PC: variants seen among roughly 807,000 people sequenced by gnomAD.
PC encodes the protein pyruvate carboxylase.
Under a neutral mutation model 107.8 loss-of-function variants are expected in PC, and 46 were observed. The ratio of observed to expected loss-of-function variants is 0.43; its 90% CI spans 0.34 to 0.55. The LOEUF is 0.55. Ranked by LOEUF, PC falls within the 20% of genes least tolerant of loss-of-function variation. The pLI is 0.04. For synonymous variants in PC, 662 were observed against 684.7 expected, an observed-to-expected ratio of 0.97 and a Z score of 0.52; for missense variants, 1,241 against 1,643.1, an observed-to-expected ratio of 0.76 and a Z score of 4.23.
In PC at chr11:66,852,429, G is replaced by A. The variant is rs758789142; in HGVS notation, c.1825+10C>T. On this transcript the variant is annotated intron_variant, in intron 15 of 22. Coordinates refer to ENST00000393960, the MANE Select transcript of PC (RefSeq NM_001040716.2). The surrounding 1 kb of genome is among the most constrained non-coding windows in gnomAD (Gnocchi z 4.7). ...ATTCCTACCAGGCGCTGCGCAGCAT[G>A]CCAGCCTACCTCCCCAGTTCTCCAT... 6.2e-7 allele frequency: 1 copy of A among 1,609,360 alleles called. No homozygotes were observed. The highest frequency in any genetic ancestry group is 1.1e-5 in the South Asian group (1 of 90,968).
chr11:66,863,460 T>C (rs550501580), intron 12 of PC, among the ~76,000 whole-genome samples: 1 of 152,276 alleles, frequency 6.6e-6, no homozygotes, highest in South Asian at 2.1e-4. Flanking sequence ...ACATTCCAGG[T>C]GATTCTCACC....
In PC at chr11:66,858,184, T is replaced by TTG; in HGVS notation, c.1369-4802_1369-4801insCA. ...GCCTTCGACGACTTCCTAGAGAGCC[T>TTG]GGAGGACCTGGACCTGTCCTACAAC... On this transcript the variant is annotated intron_variant, in intron 12 of 22. Transcript: ENST00000393960. This position sits in a 1 kb window ranked among gnomAD's most constrained non-coding sequence, Gnocchi z 5.9. The TTG allele has an allele frequency of 1.2e-6, 2 of 1,611,754 alleles. No homozygotes were observed. The highest frequency in any genetic ancestry group is 1.7e-6 in the Non-Finnish European group (2 of 1,179,396).
rs1945596432 is a variant in PC, at chr11:66,853,000, C to CA, written c.1514-165dup. On this transcript the variant is annotated intron_variant, in intron 13 of 22. Transcript: ENST00000393960. This position sits in a 1 kb window ranked among gnomAD's most constrained non-coding sequence, Gnocchi z 4.7. The stretch of plus-strand genomic sequence containing the variant: ...AAAGCCAGGGCCTCCTGGGTACAGG[C>CA]AGTGGGGACGTCTTGAGGACCACGT... 4 of 698,300 alleles carry CA rather than the reference C, an allele frequency of 5.7e-6. No individual in the cohort carries two copies. The South Asian group carries it at 7.6e-5, about 13-fold the overall frequency. 43.3% of individuals were successfully genotyped at this position (698,300 alleles called of 1,614,324 possible).
chr11:66,886,562 C>T (rs1290482346), intron 3 of PC, among the ~76,000 whole-genome samples: 2 of 152,076 alleles, frequency 1.3e-5, no homozygotes, highest in Admixed American at 6.5e-5. Context: ...ACAATGAGGA[C>T]CTGAACCACG....
chr11:66,858,688 T>TCGAC lies in PC; in HGVS notation c.1368+5085_1368+5086insGTCG, dbSNP rs1946037005. On this transcript the variant is annotated intron_variant, in intron 12 of 22. Coordinates refer to ENST00000393960, the MANE Select transcript of PC (RefSeq NM_001040716.2). The surrounding 1 kb of genome is among the most constrained non-coding windows in gnomAD (Gnocchi z 5.9). ...GACCCCGCGCCTACCATGCACTGGG[T>TCGAC]CGGTCCTGACGACCGGTTGGTTGGC... 1 of 1,547,814 alleles carries TCGAC rather than the reference T, an allele frequency of 6.5e-7. No homozygotes were observed.
intron 3 of PC, among the ~76,000 whole-genome samples, chr11:66,901,664 G>A (rs973234728): frequency 7.2e-5 from 11 of 152,048 alleles, no homozygotes; most frequent in African/African-American, 2.7e-4. Flanking sequence ...GTAGAGATGG[G>A]GTTTTGCCAT....
intron 3 of PC, among the ~76,000 whole-genome samples, chr11:66,875,710 T>G (rs1195055800): frequency 6.6e-6 from 1 of 152,074 alleles, no homozygotes; most frequent in African/African-American, 2.4e-5. Flanking sequence ...AAGGGGCCAC[T>G]GCGGTGACCA....
intron 12 of PC, among the ~76,000 whole-genome samples, chr11:66,861,820 G>A (rs867778410): frequency 6.6e-6 from 1 of 152,214 alleles, no homozygotes. Context: ...CCGTGGTCAC[G>A]GTCTCTAGTG....
chr11:66,937,777 T>C (rs1363965929), intron 3 of PC, among the ~76,000 whole-genome samples: 8 of 150,312 alleles, frequency 5.3e-5, no homozygotes, highest in African/African-American at 2.0e-4. Context: ...CTGGGTTTTT[T>C]TTGTTTTTTT....
At chr11:66,880,051 GA>G (rs1021400853) in intron 3 of PC, among the ~76,000 whole-genome samples, 7 of 152,200 alleles carry the variant, frequency 4.6e-5, no homozygotes, top group African/African-American at 1.7e-4. Flanking sequence ...GCCAGGCACG[GA>G]TGGGGCCCAA....
chr11:66,862,245 G>A (rs1397650441), intron 12 of PC, among the ~76,000 whole-genome samples: 1 of 152,204 alleles, frequency 6.6e-6, no homozygotes, highest in Non-Finnish European at 1.5e-5. Context: ...CAGGGAGGCT[G>A]AGAGGCTCCC....
At chr11:66,954,487 G>A (rs1016345853) in intron 1 of PC, 51 bp from the exon 2 acceptor site, 6 of 152,356 alleles carry the variant, frequency 3.9e-5, no homozygotes, top group African/African-American at 1.4e-4. Flanking sequence ...TGAGGTTTCA[G>A]AGTGAGCAGG....
At chr11:66,869,347 C>T (rs1946630622) in intron 9 of PC, among the ~76,000 whole-genome samples, 1 of 151,722 alleles carries the variant, frequency 6.6e-6, no homozygotes, top group Admixed American at 6.6e-5. Context: ...GCCGCTGCTT[C>T]TGCTTGGAGG....
rs545856416 is a variant in PC, at chr11:66,920,031, A to G, written c.-1+32399T>C. Reference sequence around the variant, plus strand: ...GTGCCTAGCACAAAACGGTTGTTGAATGAATAAATGAATGAACGGACTCAG... The same window carrying G: ...GTGCCTAGCACAAAACGGTTGTTGAGTGAATAAATGAATGAACGGACTCAG... On this transcript the variant is annotated intron_variant, in intron 3 of 22. Coordinates refer to ENST00000393960, the MANE Select transcript of PC (RefSeq NM_001040716.2). Among the ~76,000 whole-genome samples, 3 of 152,312 alleles carry G rather than the reference A, an allele frequency of 2.0e-5. No individual in the cohort carries two copies. In the South Asian group the frequency reaches 6.2e-4, roughly 32 times the overall value.
At chr11:66,953,157 A>G (rs1013802142) in intron 2 of PC, among the ~76,000 whole-genome samples, 4 of 152,302 alleles carry the variant, frequency 2.6e-5, no homozygotes, top group Admixed American at 1.3e-4. Flanking sequence ...CCCACTACAC[A>G]TGAACAAGAA....
intron 3 of PC, among the ~76,000 whole-genome samples, chr11:66,914,698 C>T (rs572026791): frequency 1.3e-5 from 2 of 152,190 alleles, no homozygotes; most frequent in Non-Finnish European, 2.9e-5. Context: ...CCCCTCGAGG[C>T]ATTTCTGCCG....
In PC at chr11:66,866,512, G is replaced by A. The variant is rs181898449; in HGVS notation, c.1023-163C>T. ...AACAGCCGGTTCCTCCCAACCAGTG[G>A]CTCCACCAGCCCCTGCCCTGCTCCC... On this transcript the variant is annotated intron_variant, in intron 10 of 22. Transcript: ENST00000393960. The surrounding 1 kb of genome is among the most constrained non-coding windows in gnomAD (Gnocchi z 5.4). Among the ~76,000 whole-genome samples, 299 of 152,282 alleles carry A rather than the reference G, an allele frequency of 2.0e-3. No homozygotes were observed. The highest frequency in any genetic ancestry group is 3.3e-3 in the South Asian group (16 of 4,820).
intron 3 of PC, among the ~76,000 whole-genome samples, chr11:66,879,245 A>G (rs1046827262): frequency 3.9e-5 from 6 of 152,222 alleles, no homozygotes; most frequent in Non-Finnish European, 8.8e-5. Context: ...CCACCAAGCC[A>G]GGCTGACCAT....
chr11:66,950,180 T>A (rs978115758), intron 3 of PC, among the ~76,000 whole-genome samples: 1 of 152,306 alleles, frequency 6.6e-6, no homozygotes, highest in East Asian at 1.9e-4. Flanking sequence ...ACTGCAGCAC[T>A]CAGTGACAGA....
Sources: allele counts gnomAD v4.1 joint callset (sites outside exome capture counted in the v4.1 genomes callset), GRCh38; gene constraint gnomAD v4.1.1; non-coding constraint Gnocchi (gnomAD v3.1); transcripts MANE v1.5; gene names NCBI Gene and HGNC (gene_info 2026-07-23, HGNC 2026-07-21).